The following B3GALNT1 variants were observed in gnomAD, a reference collection of about 807,000 sequenced individuals.
B3GALNT1 encodes beta-1,3-N-acetylgalactosaminyltransferase 1 (Globoside blood group).
In B3GALNT1, 17 loss-of-function variants were observed where a neutral mutation model predicts 27.3. The ratio of observed to expected loss-of-function variants is 0.62; its 90% CI spans 0.43 to 0.94. The LOEUF (loss-of-function observed/expected upper bound fraction) is 0.94. Among genes scored for constraint, B3GALNT1 ranks in the 40% least tolerant of loss-of-function variants. The pLI is 0.00. For missense variants in B3GALNT1, 347 were observed against 390.0 expected, an observed-to-expected ratio of 0.89 and a Z score of 0.93; for synonymous variants, 141 against 144.0, an observed-to-expected ratio of 0.98 and a Z score of 0.15.
chr3:161,097,144 A>G (rs1359365383), intron 4 of B3GALNT1, among the ~76,000 whole-genome samples: 1 of 152,272 alleles, frequency 6.6e-6, no homozygotes, highest in Non-Finnish European at 1.5e-5. Context: ...TTGAGAAGCA[A>G]TGAAATCCAC....
intron 3 of B3GALNT1, among the ~76,000 whole-genome samples, chr3:161,102,474 T>C (rs1205487195): frequency 6.6e-6 from 1 of 152,226 alleles, no homozygotes; most frequent in Admixed American, 6.5e-5. Flanking sequence ...GCCGTATTTC[T>C]AGCTCATCCT....
intron 4 of B3GALNT1, among the ~76,000 whole-genome samples, chr3:161,096,609 A>T (rs991303611): frequency 2.6e-5 from 4 of 152,162 alleles, no homozygotes; most frequent in African/African-American, 9.7e-5. Flanking sequence ...TTCCCCCACT[A>T]CCCTTTCAAA....
intron 4 of B3GALNT1, among the ~76,000 whole-genome samples, chr3:161,096,630 TA>T (rs1373960565): frequency 6.6e-6 from 1 of 152,320 alleles, no homozygotes; most frequent in African/African-American, 2.4e-5. Flanking sequence ...CTAAACACAT[TA>T]ACTCATAAAG....
In B3GALNT1 at chr3:161,086,256, T is replaced by A; in HGVS notation, c.499A>T (p.Thr167Ser). The change falls in exon 5 of 5, where the codon ACT becomes TCT. Residue 167 changes from threonine to serine, a missense_variant. Transcript: ENST00000320474. The part of the protein sequence containing the change: ...LKTIMAFRWV[T>S]EFCPNAKYVM... ...TACTTGGCATTGGGGCAAAACTCAG[T>A]TACCCACCTGAATGCCATAATGGTT... The A allele has an allele frequency of 6.2e-7, 1 of 1,614,072 alleles. No individual in the cohort carries two copies. Among genetic ancestry groups the A allele is most frequent in the Non-Finnish European group, 8.5e-7 (1 of 1,180,040 alleles).
Position 161,086,712 on chromosome 3 carries a change from G to C in B3GALNT1, c.43C>G (p.Leu15Val), listed in dbSNP as rs1479412243. 6.2e-7 allele frequency: 1 copy of C among 1,614,056 alleles called. No homozygotes were observed. Among genetic ancestry groups the C allele is most frequent in the Non-Finnish European group, 8.5e-7 (1 of 1,180,050 alleles). ...AGGAGGCTCCATTTGAGGGATCTCA[G>C]TGACATCCTACTCGGAAGGACAGTC... ...LWTVLPSRMSLRSLKWSLLLL... is the reference protein window; with the variant it reads ...LWTVLPSRMSVRSLKWSLLLL... Residue 15 changes from leucine (L) to valine (V), a missense_variant, in exon 5 of 5, where the codon CTG (leucine) becomes GTG (valine). By Grantham distance (32) the Leu-to-Val change is conservative. Coordinates refer to ENST00000320474, the MANE Select transcript of B3GALNT1 (RefSeq NM_003781.4).
At chr3:161,098,380 C>T (rs976605295) in intron 4 of B3GALNT1, among the ~76,000 whole-genome samples, 2 of 152,166 alleles carry the variant, frequency 1.3e-5, no homozygotes, top group Non-Finnish European at 2.9e-5. Flanking sequence ...AGTGCAGCAC[C>T]TCTGTTCTTC....
intron 4 of B3GALNT1, 24 bp from the exon 5 acceptor site, chr3:161,086,812 G>GT: frequency 6.3e-7 from 1 of 1,598,264 alleles, no homozygotes; most frequent in Non-Finnish European, 8.5e-7. Flanking sequence ...CAAAGATTGG[G>GT]TTAATATTCC....
chr3:161,085,476 A>G lies in B3GALNT1; in HGVS notation c.*283T>C. Reference sequence around the variant, plus strand: ...TAACTCAGTAACACCCTTTTAAGAAATTCTAGTCTACAGAATGACATGTCC... The same window carrying G: ...TAACTCAGTAACACCCTTTTAAGAAGTTCTAGTCTACAGAATGACATGTCC... On this transcript the variant is annotated 3_prime_UTR_variant, in exon 5 of 5. Transcript: ENST00000320474. 1 of 421,218 alleles carries G rather than the reference A, an allele frequency of 2.4e-6. No homozygotes were observed. 26.1% of individuals were successfully genotyped at this position (421,218 alleles called of 1,614,324 possible). A position where few individuals can be genotyped will look rare whatever the true frequency, so the allele number is the denominator to read the frequency against.
chr3:161,093,180 T>C (rs926578282), intron 4 of B3GALNT1, among the ~76,000 whole-genome samples: 4 of 152,178 alleles, frequency 2.6e-5, no homozygotes, highest in Admixed American at 1.3e-4. Flanking sequence ...CACTTAATGG[T>C]TTCTGAATAT....
At position 161,085,173 on chromosome 3, in the gene B3GALNT1, T is replaced by G. The variant is rs1721050035; in HGVS notation, c.*586A>C. The stretch of plus-strand genomic sequence containing the variant: ...AGAATGATTCACTATCCTTTTTATC[T>G]TGTATTGAAATCGTCAAAACATTTA... On this transcript the variant is annotated 3_prime_UTR_variant, in exon 5 of 5. Coordinates refer to ENST00000320474, the MANE Select transcript of B3GALNT1 (RefSeq NM_003781.4). 1 of 152,646 alleles carries G rather than the reference T, an allele frequency of 6.6e-6. No individual in the cohort carries two copies. The highest frequency in any genetic ancestry group is 2.1e-4 in the South Asian group (1 of 4,860). The allele number at this position is 152,646 out of a possible 1,614,324, so 9.5% of individuals were successfully genotyped here. A position where few individuals can be genotyped will look rare whatever the true frequency, so the allele number is the denominator to read the frequency against.
intron 3 of B3GALNT1, among the ~76,000 whole-genome samples, chr3:161,101,998 C>T (rs1037356422): frequency 1.3e-5 from 2 of 152,156 alleles, no homozygotes; most frequent in Non-Finnish European, 1.5e-5. Flanking sequence ...TTTTATGAGA[C>T]TATTCAAAAT....
At chr3:161,094,316 C>G (rs918945379) in intron 4 of B3GALNT1, among the ~76,000 whole-genome samples, 11 of 152,132 alleles carry the variant, frequency 7.2e-5, no homozygotes, top group African/African-American at 2.4e-4. Context: ...ACCCTTAAAA[C>G]CTGAAATACA....
At chr3:161,095,646 T>C (rs776461428) in intron 4 of B3GALNT1, among the ~76,000 whole-genome samples, 6 of 152,074 alleles carry the variant, frequency 3.9e-5, no homozygotes, top group African/African-American at 1.2e-4. Context: ...AGGCGGGAAG[T>C]GGGGACTTAT....
rs1471462109 is a variant in B3GALNT1, at chr3:161,101,219, A to G, written c.-115T>C. The G allele has an allele frequency of 7.8e-7, 1 of 1,289,926 alleles. No individual in the cohort carries two copies. Among genetic ancestry groups the G allele is most frequent in the Admixed American group, 2.3e-5 (1 of 43,566 alleles). The allele number at this position is 1,289,926 out of a possible 1,614,324, so 79.9% of individuals were successfully genotyped here. ...AAGAGCCAACAGGTCAACCGGGTCC[A>G]GGGAGCTAAGAAAACTGGAGCAGAG... On this transcript the variant is annotated 5_prime_UTR_variant, in exon 4 of 5. Transcript: ENST00000320474.
At chr3:161,087,242 G>A (rs991871782) in intron 4 of B3GALNT1, among the ~76,000 whole-genome samples, 16 of 152,096 alleles carry the variant, frequency 1.1e-4, no homozygotes, top group South Asian at 4.1e-4. Flanking sequence ...CCAAATAAAC[G>A]AAGGGTCTTT....
At chr3:161,103,399 T>C (rs1732461803) in intron 3 of B3GALNT1, 28 bp downstream of exon 3, 1 of 1,097,778 alleles carries the variant, frequency 9.1e-7, no homozygotes, top group Non-Finnish European at 1.2e-6. Context: ...ATTAGGATAA[T>C]TTATAAGTTA....
At chr3:161,101,472 C>T (rs1266493121) in intron 3 of B3GALNT1, among the ~76,000 whole-genome samples, 2 of 152,256 alleles carry the variant, frequency 1.3e-5, no homozygotes, top group East Asian at 3.9e-4. Flanking sequence ...GAGGGTATTT[C>T]ATTCCTTCAT....
At chr3:161,099,052 T>C (rs1309425621) in intron 4 of B3GALNT1, among the ~76,000 whole-genome samples, 1 of 152,220 alleles carries the variant, frequency 6.6e-6, no homozygotes, top group Non-Finnish European at 1.5e-5. Context: ...TGATCCATCA[T>C]AGCCAGTGTA....
At chr3:161,096,061 G>A (rs906262918) in intron 4 of B3GALNT1, among the ~76,000 whole-genome samples, 4 of 152,186 alleles carry the variant, frequency 2.6e-5, no homozygotes, top group Admixed American at 6.5e-5. Context: ...ATATAAGATT[G>A]GAGAGAGGGA....
Sources: gnomAD v4.1 joint callset for allele counts (sites outside exome capture counted in the v4.1 genomes callset) on GRCh38, gnomAD v4.1.1 for gene constraint, MANE v1.5 for transcripts, NCBI Gene and HGNC (gene_info 2026-07-23, HGNC 2026-07-21) for gene names.